NAALADL2: variants seen among roughly 807,000 people sequenced by gnomAD.
NAALADL2 encodes the protein N-acetylated alpha-linked acidic dipeptidase like 2.
In NAALADL2, 76 loss-of-function variants were observed where a neutral mutation model predicts 87.2. That is an observed-to-expected ratio of 0.87 (90% CI 0.72 to 1.05). NAALADL2 has a LOEUF of 1.05. Ranked by LOEUF, NAALADL2 falls within the 50% of genes least tolerant of loss-of-function variation. NAALADL2 has a pLI of 0.00. For missense variants in NAALADL2, 1,089 were observed against 945.8 expected, an observed-to-expected ratio of 1.15 and a Z score of -1.99; for synonymous variants, 354 against 331.0, an observed-to-expected ratio of 1.07 and a Z score of -0.75.
chr3:174,998,832 T>C (rs1430211943), intron 1 of NAALADL2, among the ~76,000 whole-genome samples: 2 of 152,194 alleles, frequency 1.3e-5, no homozygotes, highest in African/African-American at 4.8e-5. Context: ...CATATGTAGG[T>C]CATGGCTAAA....
At chr3:175,734,242 C>G (rs1744195238) in intron 11 of NAALADL2, among the ~76,000 whole-genome samples, 1 of 152,170 alleles carries the variant, frequency 6.6e-6, no homozygotes, top group Non-Finnish European at 1.5e-5. Context: ...TCAGGCGTTT[C>G]CATACACCTT....
In NAALADL2 at chr3:174,769,170, G is replaced by A. The variant is rs181034577; in HGVS notation, c.-9+31424G>A. Among the ~76,000 whole-genome samples the A allele has an allele frequency of 3.8e-4, 58 of 151,764 alleles. No homozygotes were observed. In the Middle Eastern group the frequency reaches 0.014, roughly 36 times the overall value. ...ATTTCCTTTGATGCCTTATTTTGTG[G>A]TTCCTATGGTTTTATTGTTATTGTC... is the stretch of plus-strand genomic sequence containing the variant. On this transcript the variant is annotated intron_variant, in intron 3 of 3. Transcript: ENST00000434257.
At chr3:175,255,606 C>T (rs551601349) in intron 3 of NAALADL2, among the ~76,000 whole-genome samples, 3 of 152,172 alleles carry the variant, frequency 2.0e-5, no homozygotes, top group Admixed American at 6.5e-5. Context: ...TAAAATCAAT[C>T]GTCTTGGCCC....
intron 2 of NAALADL2, among the ~76,000 whole-genome samples, chr3:175,098,951 C>A (rs1032009956): frequency 1.3e-5 from 2 of 151,358 alleles, no homozygotes; most frequent in African/African-American, 2.4e-5. Context: ...ACAATGAATA[C>A]CATAACCTAG....
chr3:175,658,138 T>G (rs909726910), intron 11 of NAALADL2, among the ~76,000 whole-genome samples: 1 of 152,134 alleles, frequency 6.6e-6, no homozygotes, highest in Admixed American at 6.5e-5. Flanking sequence ...TCTAGTTGGA[T>G]TGCTAGATTG....
intron 4 of NAALADL2, among the ~76,000 whole-genome samples, chr3:175,304,594 C>A (rs748348042): frequency 5.3e-5 from 8 of 152,076 alleles, no homozygotes; most frequent in African/African-American, 9.7e-5. Flanking sequence ...CCCATGAAGC[C>A]GGTGCTCATT....
chr3:175,013,100 A>ATGTAT (rs1174317066), intron 1 of NAALADL2, among the ~76,000 whole-genome samples: 281 of 4,142 alleles, frequency 0.068, 27 homozygotes, highest in African/African-American at 0.15. Context: ...ATATATAAAT[A>ATGTAT]TACATATTTA....
chr3:175,044,999 G>T (rs541124183), intron 1 of NAALADL2, among the ~76,000 whole-genome samples: 47 of 151,384 alleles, frequency 3.1e-4, no homozygotes, highest in African/African-American at 1.1e-3. Context: ...TATTTCAGAT[G>T]TTTATATATG....
chr3:174,828,203 T>C (rs1037473324), intron 3 of NAALADL2, among the ~76,000 whole-genome samples: 1 of 139,240 alleles, frequency 7.2e-6, no homozygotes, highest in Non-Finnish European at 1.6e-5. Context: ...ACAAAGATTC[T>C]CTCAATCTTC....
chr3:174,604,358 T>G (rs189684956), intron 2 of NAALADL2, among the ~76,000 whole-genome samples: 75 of 152,332 alleles, frequency 4.9e-4, no homozygotes, highest in African/African-American at 1.7e-3. Flanking sequence ...TGAAATCTAT[T>G]TTTTCTGATT....
chr3:174,987,846 C>T (rs1743637426), intron 1 of NAALADL2, among the ~76,000 whole-genome samples: 1 of 135,098 alleles, frequency 7.4e-6, no homozygotes. Flanking sequence ...CTTGTCTCTC[C>T]AAGGTCCTAA....
chr3:174,921,910 T>C (rs754486736), intron 1 of NAALADL2, among the ~76,000 whole-genome samples: 4 of 152,122 alleles, frequency 2.6e-5, no homozygotes, highest in Non-Finnish European at 5.9e-5. Flanking sequence ...CCAGAATGTT[T>C]GCACATAGAT....
intron 3 of NAALADL2, among the ~76,000 whole-genome samples, chr3:174,780,743 GT>G (rs201577426): frequency 1.3e-5 from 2 of 151,760 alleles, no homozygotes; most frequent in South Asian, 2.1e-4. Flanking sequence ...AGATAATCAT[GT>G]TTTTTTTGTC....
At chr3:175,071,063 T>C (rs1020022688) in intron 1 of NAALADL2, among the ~76,000 whole-genome samples, 1 of 152,052 alleles carries the variant, frequency 6.6e-6, no homozygotes, top group African/African-American at 2.4e-5. Context: ...CTTCTCTTGA[T>C]GTTACAACAG....
intron 5 of NAALADL2, among the ~76,000 whole-genome samples, chr3:175,379,549 T>G (rs1362634283): frequency 6.6e-6 from 1 of 151,976 alleles, no homozygotes; most frequent in Non-Finnish European, 1.5e-5. Context: ...TTTTCCTTTT[T>G]TTAAGATGGA....
intron 11 of NAALADL2, among the ~76,000 whole-genome samples, chr3:175,632,740 T>A (rs1456355626): frequency 6.6e-6 from 1 of 152,082 alleles, no homozygotes; most frequent in Non-Finnish European, 1.5e-5. Context: ...TGACATTGGA[T>A]ATATGGAGTT....
intron 2 of NAALADL2, among the ~76,000 whole-genome samples, chr3:174,669,600 A>G (rs1726327283): frequency 6.6e-6 from 1 of 151,818 alleles, no homozygotes; most frequent in Non-Finnish European, 1.5e-5. Context: ...ATTGATCTGT[A>G]TTTCTGTCTT....
At chr3:175,476,078 A>G (rs1725663080) in intron 9 of NAALADL2, among the ~76,000 whole-genome samples, 1 of 152,150 alleles carries the variant, frequency 6.6e-6, no homozygotes, top group Admixed American at 6.6e-5. Flanking sequence ...AAACAGTAGC[A>G]AAGATATTTT....
chr3:175,131,229 AG>A (rs2108629975), intron 2 of NAALADL2, among the ~76,000 whole-genome samples: 1 of 148,868 alleles, frequency 6.7e-6, no homozygotes, highest in Non-Finnish European at 1.5e-5. Flanking sequence ...ATAGGACAAT[AG>A]TGGAGGGAAG....
Sources: gnomAD v4.1 joint callset for allele counts (sites outside exome capture counted in the v4.1 genomes callset) on GRCh38, gnomAD v4.1.1 for gene constraint, MANE v1.5 for transcripts, NCBI Gene and HGNC (gene_info 2026-07-23, HGNC 2026-07-21) for gene names.